NIPBL: variants seen among roughly 807,000 people sequenced by gnomAD.
NIPBL encodes NIPBL cohesin loading factor.
In NIPBL, 19 loss-of-function variants were observed where a neutral mutation model predicts 321.8. The observed-to-expected ratio is 0.06, with a 90% confidence interval of 0.04 to 0.09. NIPBL has a LOEUF of 0.09. NIPBL is among the 10% of genes least tolerant of loss of function. The probability of loss-of-function intolerance (pLI) is 1.00; values close to 1 mark genes in which losing one functional copy is unlikely to be tolerated. For synonymous variants in NIPBL, 1,106 were observed against 1,114.1 expected (o/e 0.99, Z 0.14); for missense variants, 2,210 against 3,327.0 (o/e 0.66, Z 8.26).
At chr5:36,925,391 C>A (rs1749275818) in intron 1 of NIPBL, among the ~76,000 whole-genome samples, 1 of 151,678 alleles carries the variant, frequency 6.6e-6, no homozygotes, top group Non-Finnish European at 1.5e-5. Flanking sequence ...GCTTTTGCCT[C>A]CTGAGTAGCT....
At chr5:36,930,157 A>G (rs1054773708) in intron 1 of NIPBL, among the ~76,000 whole-genome samples, 5 of 152,100 alleles carry the variant, frequency 3.3e-5, no homozygotes, top group Admixed American at 1.3e-4. Context: ...CTATAGATCA[A>G]TTTGAAGAGA....
At chr5:36,880,015 ATTACT>A (rs1745384915) in intron 1 of NIPBL, among the ~76,000 whole-genome samples, 2 of 152,052 alleles carry the variant, frequency 1.3e-5, no homozygotes, top group Non-Finnish European at 2.9e-5. Context: ...AAAGTTATAC[ATTACT>A]TGAAAAAAGA....
rs1444699002 is a variant in NIPBL at position 36,985,371 on chromosome 5, G to A, written c.2191G>A (p.Gly731Arg). The A allele has an allele frequency of 1.2e-6, 2 of 1,613,580 alleles. No individual in the cohort carries two copies. Among genetic ancestry groups the A allele is most frequent in the Non-Finnish European group, 1.7e-6 (2 of 1,179,932 alleles). The change falls in exon 10 of 47, where the codon GGA becomes AGA. Residue 731 changes from glycine to arginine, a missense_variant. Gly to Arg is a moderately radical substitution (Grantham distance 125, BLOSUM62 -2). This residue lies in a region of NIPBL where 588 missense variants were observed against 564.1 expected (regional missense o/e 1.04). Coordinates refer to ENST00000282516, the MANE Select transcript of NIPBL (RefSeq NM_133433.4). ...HPETPKQKGD[G>R]RPETPKQKGE... ...TGAAACCCCAAAACAGAAGGGTGAT[G>A]GAAGGCCTGAAACTCCAAAGCAAAA... is the stretch of plus-strand genomic sequence containing the variant.
At chr5:36,947,019 G>A (rs1415724252) in intron 1 of NIPBL, among the ~76,000 whole-genome samples, 1 of 151,870 alleles carries the variant, frequency 6.6e-6, no homozygotes, top group African/African-American at 2.4e-5. Flanking sequence ...GAGTATTTAC[G>A]CCCTGAAACT....
At chr5:37,022,440 A>T in intron 29 of NIPBL, 50 bp downstream of exon 29, 1 of 1,524,326 alleles carries the variant, frequency 6.6e-7, no homozygotes, top group African/African-American at 1.4e-5. Flanking sequence ...TTGCCTTTCA[A>T]GCATCATGTT....
intron 42 of NIPBL, among the ~76,000 whole-genome samples, chr5:37,055,115 G>A (rs960408006): frequency 4.6e-5 from 7 of 152,144 alleles, no homozygotes; most frequent in Admixed American, 3.3e-4. Context: ...TGGGGAGGCC[G>A]AGGCAGATGG....
chr5:36,971,859 A>G, intron 7 of NIPBL, 86 bp from the exon 8 acceptor site: 2 of 1,526,506 alleles, frequency 1.3e-6, no homozygotes, highest in South Asian at 1.2e-5. Context: ...CCTGTCAGTA[A>G]TTTATGTCTC....
intron 34 of NIPBL, among the ~76,000 whole-genome samples, chr5:37,042,601 C>A (rs1752527700): frequency 1.3e-5 from 2 of 151,892 alleles, no homozygotes; most frequent in Admixed American, 6.6e-5. Context: ...ACCAGCCTGG[C>A]CAATATGGTG....
intron 8 of NIPBL, among the ~76,000 whole-genome samples, chr5:36,973,216 A>C (rs147761635): frequency 1.5e-4 from 23 of 152,114 alleles, no homozygotes; most frequent in African/African-American, 3.9e-4. Flanking sequence ...GAGAATTTCT[A>C]ATTATAGCCA....
chr5:36,923,283 A>G (rs943297173), intron 1 of NIPBL, among the ~76,000 whole-genome samples: 3 of 152,094 alleles, frequency 2.0e-5, no homozygotes. Context: ...TCCAGCGTAG[A>G]TGACAGAGCG....
intron 1 of NIPBL, among the ~76,000 whole-genome samples, chr5:36,879,964 C>T (rs972651933): frequency 2.0e-5 from 3 of 151,800 alleles, no homozygotes; most frequent in Non-Finnish European, 4.4e-5. Flanking sequence ...CATTTTTGAA[C>T]CTGTTCTAGA....
chr5:36,987,724 A>G (rs1473810226), intron 10 of NIPBL, among the ~76,000 whole-genome samples: 1 of 152,184 alleles, frequency 6.6e-6, no homozygotes, highest in Non-Finnish European at 1.5e-5. Context: ...CTTTGAGTGA[A>G]GCTTTTAAAT....
intron 4 of NIPBL, among the ~76,000 whole-genome samples, chr5:36,960,444 G>T (rs1016301871): frequency 6.6e-6 from 1 of 151,634 alleles, no homozygotes; most frequent in East Asian, 1.9e-4. Context: ...AAACAATTCT[G>T]TGCTGAGTTT....
At chr5:36,958,588 G>T (rs1741248592) in intron 4 of NIPBL, among the ~76,000 whole-genome samples, 1 of 152,040 alleles carries the variant, frequency 6.6e-6, no homozygotes, top group Admixed American at 6.6e-5. Context: ...GGTATATAGA[G>T]TTTTAATACT....
intron 1 of NIPBL, among the ~76,000 whole-genome samples, chr5:36,897,329 A>G (rs1746830762): frequency 6.6e-6 from 1 of 152,124 alleles, no homozygotes; most frequent in Non-Finnish European, 1.5e-5. Context: ...TTTTACTTCC[A>G]GATTGTTCAC....
intron 9 of NIPBL, among the ~76,000 whole-genome samples, chr5:36,979,200 T>C (rs1325739329): frequency 1.3e-5 from 2 of 152,152 alleles, no homozygotes; most frequent in East Asian, 1.9e-4. Context: ...TTTAACAATA[T>C]TGATTCTTCC....
intron 10 of NIPBL, among the ~76,000 whole-genome samples, chr5:36,989,826 G>A (rs551342208): frequency 2.5e-4 from 33 of 131,444 alleles, no homozygotes; most frequent in African/African-American, 8.5e-4. Context: ...GTGACAGAGC[G>A]AGACTCTGTC....
intron 32 of NIPBL, among the ~76,000 whole-genome samples, chr5:37,029,769 T>C (rs1485051255): frequency 6.6e-6 from 1 of 152,226 alleles, no homozygotes; most frequent in East Asian, 1.9e-4. Context: ...GTAAAAGTAG[T>C]ACATTACTTT....
Position 36,945,123 on chromosome 5 carries a change from A to G in NIPBL, c.-79-8495A>G, listed in dbSNP as rs534552252. Among the ~76,000 whole-genome samples the G allele has an allele frequency of 1.8e-4, 28 of 152,296 alleles. No homozygotes were observed. The South Asian group carries it at 5.8e-3, about 32-fold the overall frequency. ...GTGTTGGGAGTGGACTAGGAATCCA[A>G]ACAATTCATAGACGCGCTTGGAAAT... On this transcript the variant is annotated intron_variant, in intron 1 of 46. Transcript: ENST00000282516.
Sources: gnomAD v4.1 joint callset for allele counts (sites outside exome capture counted in the v4.1 genomes callset) on GRCh38, gnomAD v4.1.1 for gene constraint, gnomAD v4.1.1 regional missense constraint, MANE v1.5 for transcripts, NCBI Gene and HGNC (gene_info 2026-07-23, HGNC 2026-07-21) for gene names.